Variants in TRAPPC9 observed in about 807,000 individuals in gnomAD.
The protein encoded by TRAPPC9 is IKK2 binding protein.
TRAPPC9 carries 83 observed loss-of-function variants against 124.0 expected under a neutral mutation model. That is an observed-to-expected ratio of 0.67 (90% confidence interval 0.56 to 0.80). The LOEUF is 0.80. TRAPPC9 is among the 30% of genes least tolerant of loss of function. The pLI is 0.00. For synonymous variants in TRAPPC9, 638 were observed against 617.5 expected, an observed-to-expected ratio of 1.03 and a Z score of -0.49; for missense variants, 1,302 against 1,508.3, an observed-to-expected ratio of 0.86 and a Z score of 2.27.
chr8:140,076,431 A>G (rs1419642844), intron 17 of TRAPPC9, among the ~76,000 whole-genome samples: 1 of 152,238 alleles, frequency 6.6e-6, no homozygotes, highest in Admixed American at 6.5e-5. Context: ...GTCCACAGAC[A>G]CTGTTCTTTC....
intron 16 of TRAPPC9, among the ~76,000 whole-genome samples, chr8:140,232,919 C>T (rs539428332): frequency 2.4e-4 from 36 of 152,284 alleles, no homozygotes; most frequent in African/African-American, 8.4e-4. Flanking sequence ...CAAGCCAAAG[C>T]GTGACATGTG....
At chr8:139,871,004 C>T (rs548315739) in intron 21 of TRAPPC9, among the ~76,000 whole-genome samples, 20 of 152,276 alleles carry the variant, frequency 1.3e-4, no homozygotes, top group Non-Finnish European at 2.1e-4. Flanking sequence ...CACACTTACT[C>T]GCTGGTGGTC....
At chr8:140,050,025 C>T (rs896070313) in intron 17 of TRAPPC9, among the ~76,000 whole-genome samples, 1 of 152,210 alleles carries the variant, frequency 6.6e-6, no homozygotes, top group Non-Finnish European at 1.5e-5. Context: ...GGGTGTGTAA[C>T]ACCAGGGGCA....
intron 17 of TRAPPC9, among the ~76,000 whole-genome samples, chr8:140,211,958 G>C (rs570970151): frequency 2.0e-5 from 3 of 152,378 alleles, no homozygotes; most frequent in Admixed American, 2.0e-4. Flanking sequence ...AGCAGACGAG[G>C]ACACAGGAAG....
At chr8:140,120,777 T>TCATTCATCCATCCAACATCCATCCATC (rs2060972039) in intron 17 of TRAPPC9, among the ~76,000 whole-genome samples, 1 of 143,434 alleles carries the variant, frequency 7.0e-6, no homozygotes, top group East Asian at 2.1e-4. Context: ...ATCCATCCAT[T>TCATTCATCCATCCAACATCCATCCATC]CATTCATCCA....
Position 139,729,859 on chromosome 8 carries a change from GT to G in TRAPPC9, c.*1201del, listed in dbSNP as rs1225404263. 6.6e-6 allele frequency among the ~76,000 whole-genome samples: 1 copy of G among 152,184 alleles called. No individual in the cohort carries two copies. The highest frequency in any genetic ancestry group is 1.5e-5 in the Non-Finnish European group (1 of 68,024). On this transcript the variant is annotated 3_prime_UTR_variant, in exon 23 of 23. Transcript: ENST00000438773. ...CTCTGTCCCCCAATACTCCATGGGA[GT>G]TTCAGTGCCCAACGGGCACCTGACG...
At chr8:139,793,837 C>T (rs1301907487) in intron 21 of TRAPPC9, among the ~76,000 whole-genome samples, 2 of 152,192 alleles carry the variant, frequency 1.3e-5, no homozygotes, top group Non-Finnish European at 2.9e-5. Context: ...TAACCTGAGT[C>T]GGAATGAAGG....
At chr8:140,107,083 A>G (rs2060680374) in intron 17 of TRAPPC9, among the ~76,000 whole-genome samples, 2 of 152,162 alleles carry the variant, frequency 1.3e-5, no homozygotes, top group South Asian at 4.1e-4. Context: ...CCATGGCTTT[A>G]AATTGGAGAT....
chr8:140,049,833 G>A (rs1193983923), intron 17 of TRAPPC9, among the ~76,000 whole-genome samples: 1 of 152,132 alleles, frequency 6.6e-6, no homozygotes, highest in Non-Finnish European at 1.5e-5. Context: ...TGTGAGGTGC[G>A]AGCTTTATTC....
chr8:139,929,520 GA>G (rs10707681), intron 19 of TRAPPC9, among the ~76,000 whole-genome samples: 23,789 of 146,658 alleles, frequency 0.16, 2,086 homozygotes, highest in South Asian at 0.26. Flanking sequence ...CGGATCATGA[GA>G]AAAAAAAAAA....
At chr8:140,232,092 A>G (rs2063612701) in intron 16 of TRAPPC9, among the ~76,000 whole-genome samples, 1 of 151,440 alleles carries the variant, frequency 6.6e-6, no homozygotes, top group African/African-American at 2.4e-5. Flanking sequence ...TTAAAAAAAC[A>G]TCTTAAAATA....
chr8:140,051,228 C>T (rs1425949403), intron 17 of TRAPPC9, among the ~76,000 whole-genome samples: 1 of 152,204 alleles, frequency 6.6e-6, no homozygotes, highest in African/African-American at 2.4e-5. Context: ...AAAATCAGGG[C>T]CACAGGGCCA....
At chr8:139,965,036 C>G (rs1214427831) in intron 19 of TRAPPC9, among the ~76,000 whole-genome samples, 1 of 152,160 alleles carries the variant, frequency 6.6e-6, no homozygotes, top group East Asian at 1.9e-4. Context: ...AGGACTGAGT[C>G]TATTCCAAGT....
chr8:140,337,003 C>G (rs2067060889), intron 9 of TRAPPC9, among the ~76,000 whole-genome samples: 3 of 152,290 alleles, frequency 2.0e-5, no homozygotes, highest in Non-Finnish European at 2.9e-5. Context: ...CTGGCTGGTA[C>G]AGTCTTTAGT....
chr8:140,228,816 T>A (rs187538889), intron 16 of TRAPPC9, among the ~76,000 whole-genome samples: 124 of 152,278 alleles, frequency 8.1e-4, no homozygotes, highest in Admixed American at 2.0e-3. Flanking sequence ...AAATATTTTT[T>A]AAAAACTAAA....
rs554527847 is a variant in TRAPPC9, at chr8:140,361,081, A to G, written c.1352-888T>C. On this transcript the variant is annotated intron_variant, in intron 8 of 22. Transcript: ENST00000438773. ...ACCCTGCCAATGGCTCTGATAACCA[A>G]CCACACAGACTGGCTAATCACTGCT... Among the ~76,000 whole-genome samples the G allele has an allele frequency of 9.2e-5, 14 of 152,312 alleles. No homozygotes were observed. In the South Asian group the frequency reaches 2.9e-3, roughly 32 times the overall value.
intron 17 of TRAPPC9, among the ~76,000 whole-genome samples, chr8:140,093,070 T>C (rs1036852236): frequency 6.6e-6 from 1 of 152,078 alleles, no homozygotes; most frequent in Non-Finnish European, 1.5e-5. Flanking sequence ...CTGCTCATCT[T>C]CCTCTTGTCA....
intron 19 of TRAPPC9, chr8:139,916,666 T>C (rs1832154355): frequency 6.6e-6 from 1 of 152,228 alleles, no homozygotes; most frequent in African/African-American, 2.4e-5. Flanking sequence ...GTGACAATAA[T>C]AGTCAAGAGT....
chr8:139,909,762 C>T lies in TRAPPC9; in HGVS notation c.2964+385G>A, dbSNP rs909712211. ...TCATGCCTCGGTAAGCTGTACAATC[C>T]GATTTCAGTTTCTCAGACAATTGCA... On this transcript the variant is annotated intron_variant, in intron 20 of 22. Transcript: ENST00000438773. Among the ~76,000 whole-genome samples the T allele has an allele frequency of 1.3e-4, 20 of 152,326 alleles. No homozygotes were observed. In the East Asian group the frequency reaches 2.5e-3, roughly 19 times the overall value.
Sources: gnomAD v4.1 joint callset for allele counts (sites outside exome capture counted in the v4.1 genomes callset) on GRCh38, gnomAD v4.1.1 for gene constraint, MANE v1.5 for transcripts, NCBI Gene and HGNC (gene_info 2026-07-23, HGNC 2026-07-21) for gene names.